The following NLRP5 variants were observed in gnomAD, a reference collection of about 807,000 sequenced individuals.
NLRP5 encodes the protein NACHT, LRR and PYD domains-containing protein 5.
Under a neutral mutation model 113.1 loss-of-function variants are expected in NLRP5, and 93 were observed. The ratio of observed to expected loss-of-function variants is 0.82; its 90% CI spans 0.70 to 0.98. The LOEUF is 0.98. NLRP5 is among the 50% of genes least tolerant of loss of function. NLRP5 has a pLI of 0.00. For missense variants in NLRP5, 1,808 were observed against 1,514.3 expected (o/e 1.19, Z -3.22); for synonymous variants, 751 against 600.7 (o/e 1.25, Z -3.66).
intron 12 of NLRP5, among the ~76,000 whole-genome samples, chr19:56,052,263 G>C (rs1490577082): frequency 1.3e-5 from 2 of 151,544 alleles, no homozygotes; most frequent in Non-Finnish European, 2.9e-5. Context: ...TTTTGTTTTT[G>C]TTTTTGTTTC....
At chr19:56,007,884 T>TGTGTGTGCGC (rs1981988246) in intron 2 of NLRP5, among the ~76,000 whole-genome samples, 2 of 99,952 alleles carry the variant, frequency 2.0e-5, no homozygotes, top group East Asian at 5.6e-4. Flanking sequence ...TGTGTGTGTG[T>TGTGTGTGCGC]GTGTGCGCGT....
At chr19:56,030,991 C>T (rs988433324) in intron 7 of NLRP5, among the ~76,000 whole-genome samples, 4 of 151,848 alleles carry the variant, frequency 2.6e-5, no homozygotes, top group South Asian at 2.1e-4. Context: ...GGATGACAGG[C>T]GTGAGCGACT....
chr19:56,047,018 T>C (rs1232018780), intron 11 of NLRP5, among the ~76,000 whole-genome samples: 1 of 151,916 alleles, frequency 6.6e-6, no homozygotes, highest in Non-Finnish European at 1.5e-5. Flanking sequence ...TTCTAGGTTT[T>C]CTAGTTTATG....
At position 56,021,916 on chromosome 19, in the gene NLRP5, C is replaced by T. The variant is rs141359540; in HGVS notation, c.679+1485C>T. Among the ~76,000 whole-genome samples the T allele has an allele frequency of 4.4e-3, 674 of 152,214 alleles. 8 individuals are homozygous for T. The highest frequency in any genetic ancestry group is 0.015 in the African/African-American group (616 of 41,536). ...AATTGCTCTCACCTTTCTTCTGGAA[C>T]GATCTGGTGGGTGGTGATGCCAGGA... is the stretch of plus-strand genomic sequence containing the variant. On this transcript the variant is annotated intron_variant, in intron 6 of 14. Transcript: ENST00000390649.
chr19:55,998,714 G>GTGTGTATATATATATATATGTGTA (rs796632835), upstream of NLRP5, among the ~76,000 whole-genome samples: 226 of 75,696 alleles, frequency 3.0e-3, 1 homozygote, highest in Non-Finnish European at 3.5e-3. Flanking sequence ...GTGTGTGTGT[G>GTGTGTATATATATATATATGTGTA]TATATATATA....
rs747432968 is a variant in NLRP5, at chr19:56,038,047, C to T, written c.2638C>T (p.His880Tyr). The change falls in exon 10 of 15, where the codon CAT becomes TAT. Residue 880 changes from histidine to tyrosine, a missense_variant. His to Tyr is a moderately conservative substitution (Grantham distance 83). Transcript: ENST00000390649. Reference sequence around the variant, plus strand: ...CAGGCTGGATTGCTGTGGATTGACCCATGCCTGTTACCTGAAGATCTCCCA... The same window carrying T: ...CAGGCTGGATTGCTGTGGATTGACCTATGCCTGTTACCTGAAGATCTCCCA... 4 of 1,613,992 alleles carry T rather than the reference C, an allele frequency of 2.5e-6. No homozygotes were observed. Among genetic ancestry groups the T allele is most frequent in the Admixed American group, 3.3e-5 (2 of 60,020 alleles).
chr19:56,010,086 A>G (rs1057220467), intron 3 of NLRP5, among the ~76,000 whole-genome samples: 1 of 152,176 alleles, frequency 6.6e-6, no homozygotes, highest in Non-Finnish European at 1.5e-5. Flanking sequence ...AACCTGACAA[A>G]AGCCGGGGGT....
At chr19:56,006,868 T>C (rs2123273536) in intron 2 of NLRP5, among the ~76,000 whole-genome samples, 1 of 151,636 alleles carries the variant, frequency 6.6e-6, no homozygotes. Flanking sequence ...GCCTCCTGAG[T>C]AGCTGAGACT....
At chr19:55,998,658 A>ATGTGTGTGTGTGTGTG (rs145042875), upstream of NLRP5, among the ~76,000 whole-genome samples, 134 of 44,628 alleles carry the variant, frequency 3.0e-3, 1 homozygote, top group African/African-American at 6.9e-3. Context: ...GTCTCAAAAT[A>ATGTGTGTGTGTGTGTG]TGTGTGTGTG....
intron 3 of NLRP5, among the ~76,000 whole-genome samples, chr19:56,014,367 C>T (rs1404399135): frequency 6.6e-6 from 1 of 151,772 alleles, no homozygotes; most frequent in Admixed American, 6.6e-5. Context: ...GTAGTCCCAG[C>T]TCCTTGAGAG....
chr19:55,988,941 C>T, the NLRP5 span, among the ~76,000 whole-genome samples: 1 of 152,022 alleles, frequency 6.6e-6, no homozygotes, highest in African/African-American at 2.4e-5. Context: ...CTTAATTGTT[C>T]TGTGGTCAGG....
At chr19:56,025,414 G>GT (rs967283979) in intron 6 of NLRP5, among the ~76,000 whole-genome samples, 129 of 133,636 alleles carry the variant, frequency 9.7e-4, no homozygotes, top group South Asian at 1.7e-3. Context: ...CTGTCTCTCT[G>GT]TTTTTTTTTG....
At chr19:56,005,218 TATACAC>T (rs1377281910) in intron 2 of NLRP5, among the ~76,000 whole-genome samples, 2 of 141,876 alleles carry the variant, frequency 1.4e-5, no homozygotes, top group East Asian at 4.0e-4. Flanking sequence ...CATACACACA[TATACAC>T]ATATATTTTT....
At chr19:56,036,756 A>T (rs930039935) in intron 9 of NLRP5, among the ~76,000 whole-genome samples, 7 of 152,108 alleles carry the variant, frequency 4.6e-5, no homozygotes, top group African/African-American at 1.4e-4. Context: ...CAGGAGATCA[A>T]GACCAGCCTG....
intron 11 of NLRP5, among the ~76,000 whole-genome samples, chr19:56,047,735 A>G (rs1983780751): frequency 6.6e-6 from 1 of 152,166 alleles, no homozygotes; most frequent in Non-Finnish European, 1.5e-5. Flanking sequence ...TAGATCTGCT[A>G]TGTCCATTTG....
intron 2 of NLRP5, among the ~76,000 whole-genome samples, chr19:56,007,919 G>GCA (rs1982006306): frequency 1.5e-5 from 1 of 64,876 alleles, no homozygotes; most frequent in Admixed American, 1.6e-4. Context: ...GTGTGTGTGT[G>GCA]TGTGTGTGTG....
Position 56,030,714 on chromosome 19 carries a change from C to CT in NLRP5, c.2277-1879dup, listed in dbSNP as rs770624516. Among the ~76,000 whole-genome samples, 35 of 71,354 alleles carry CT rather than the reference C, an allele frequency of 4.9e-4. 4 individuals carry two copies. The highest frequency in any genetic ancestry group is 0.012 in the Middle Eastern group (1 of 84). The allele number at this position is 71,354 out of a possible 152,430, so 46.8% of individuals were successfully genotyped here. A position where few individuals can be genotyped will look rare whatever the true frequency, so the allele number is the denominator to read the frequency against. On this transcript the variant is annotated intron_variant, in intron 7 of 14. Coordinates refer to ENST00000390649, the MANE Select transcript of NLRP5 (RefSeq NM_153447.4). ...ACTTACATTCATTCGCTTTCTTCTT[C>CT]TTTTTTTTTTTTTTTTTTGAGACGG...
At chr19:56,021,855 G>A (rs909333734) in intron 6 of NLRP5, among the ~76,000 whole-genome samples, 1 of 152,126 alleles carries the variant, frequency 6.6e-6, no homozygotes, top group Non-Finnish European at 1.5e-5. Context: ...AACTGGAATT[G>A]GTGATTGGCA....
intron 3 of NLRP5, among the ~76,000 whole-genome samples, chr19:56,010,059 ATAG>A (rs908703412): frequency 6.6e-6 from 1 of 152,200 alleles, no homozygotes; most frequent in African/African-American, 2.4e-5. Flanking sequence ...AGTAACCTTG[ATAG>A]TAGGACTGAA....
Sources: allele counts gnomAD v4.1 joint callset (sites outside exome capture counted in the v4.1 genomes callset), GRCh38; gene constraint gnomAD v4.1.1; transcripts MANE v1.5; gene names NCBI Gene and HGNC (gene_info 2026-07-23, HGNC 2026-07-21).